DRC4: variants seen among roughly 807,000 people sequenced by gnomAD.
DRC4 encodes the protein dynein regulatory complex subunit 4.
the DRC4 span, among the ~76,000 whole-genome samples, chr16:90,035,067 C>G: frequency 6.6e-6 from 1 of 152,062 alleles, no homozygotes; most frequent in Non-Finnish European, 1.5e-5. Flanking sequence ...CCATGCCCGG[C>G]TAATTTTGTA....
the DRC4 span, among the ~76,000 whole-genome samples, chr16:90,023,368 A>G: frequency 6.6e-6 from 1 of 152,058 alleles, no homozygotes; most frequent in African/African-American, 2.4e-5. Context: ...CATCAGCTCC[A>G]TGTCTGTCTT....
the DRC4 span, among the ~76,000 whole-genome samples, chr16:90,023,261 C>T: frequency 6.6e-6 from 1 of 152,212 alleles, no homozygotes; most frequent in African/African-American, 2.4e-5. Context: ...TTGGAGTGCC[C>T]AGGGCACAAC....
chr16:90,022,713 G>A, the DRC4 span: 4 of 1,419,162 alleles, frequency 2.8e-6, no homozygotes, highest in African/African-American at 3.0e-5. Context: ...GGGCCTGTCC[G>A]CTGGCGTCAT....
the DRC4 span, chr16:90,037,221 T>G: frequency 6.2e-7 from 1 of 1,601,926 alleles, no homozygotes; most frequent in Non-Finnish European, 8.5e-7. Context: ...GGCCTGTGCT[T>G]GTGCCTGCAG....
At chr16:90,033,891 C>T in the DRC4 span, among the ~76,000 whole-genome samples, 10 of 151,300 alleles carry the variant, frequency 6.6e-5, no homozygotes, top group East Asian at 2.0e-4. Flanking sequence ...AGCAGTTGAC[C>T]GGCTGGGAGA....
the DRC4 span, chr16:90,037,903 C>A: frequency 6.8e-7 from 1 of 1,467,286 alleles, no homozygotes; most frequent in Non-Finnish European, 9.5e-7. Flanking sequence ...AGCAACGGTT[C>A]ACCAAGTTCA....
At chr16:90,036,499 G>A in the DRC4 span, 1 of 1,613,934 alleles carries the variant, frequency 6.2e-7, no homozygotes, top group African/African-American at 1.3e-5. Context: ...ACACGCTGAT[G>A]CAGCGCCACG....
chr16:90,030,908 G>A, the DRC4 span, among the ~76,000 whole-genome samples: 3 of 152,304 alleles, frequency 2.0e-5, no homozygotes, highest in African/African-American at 4.8e-5. Flanking sequence ...GAGAGCCACC[G>A]CGCCTCGCTT....
At chr16:90,036,005 T>G in the DRC4 span, 89 of 1,027,828 alleles carry the variant, frequency 8.7e-5, no homozygotes, top group Non-Finnish European at 1.1e-4. Flanking sequence ...CCATGGCTCC[T>G]GGTCTGAGAA....
At chr16:90,033,311 G>T in the DRC4 span, among the ~76,000 whole-genome samples, 17 of 152,330 alleles carry the variant, frequency 1.1e-4, no homozygotes, top group African/African-American at 4.1e-4. Flanking sequence ...GTGACAGTTT[G>T]TCACACAAGC....
chr16:90,036,315 A>C, the DRC4 span: 1 of 1,420,788 alleles, frequency 7.0e-7, no homozygotes, highest in Non-Finnish European at 9.7e-7. Context: ...TACAGGCTCC[A>C]TGTTCTGTAG....
chr16:90,020,208 G>A, the DRC4 span: 1 of 482,834 alleles, frequency 2.1e-6, no homozygotes, highest in Non-Finnish European at 3.7e-6. Context: ...CAGGAGCATT[G>A]ACTCATGCCT....
the DRC4 span, chr16:90,022,850 A>T: frequency 2.5e-5 from 24 of 950,452 alleles, no homozygotes; most frequent in Non-Finnish European, 3.2e-5. Context: ...TGGAATTGAG[A>T]GCTCGGTGCT....
At chr16:90,039,254 C>T in the DRC4 span, among the ~76,000 whole-genome samples, 89,928 of 152,052 alleles carry the variant, frequency 0.59, 28,410 homozygotes, top group East Asian at 0.98. Flanking sequence ...TTTTCTGTCA[C>T]ATTTTCTTCC....
At chr16:90,023,435 G>A in the DRC4 span, among the ~76,000 whole-genome samples, 1 of 152,134 alleles carries the variant, frequency 6.6e-6, no homozygotes, top group Admixed American at 6.5e-5. Context: ...CTCAATTTCT[G>A]GGCAGGTGTG....
the DRC4 span, chr16:90,035,550 C>T: frequency 3.8e-6 from 6 of 1,590,578 alleles, no homozygotes; most frequent in South Asian, 1.1e-5. Flanking sequence ...GTGACCAAAA[C>T]CATGAGGAAC....
At chr16:90,026,687 C>G in the DRC4 span, among the ~76,000 whole-genome samples, 1 of 150,948 alleles carries the variant, frequency 6.6e-6, no homozygotes, top group Non-Finnish European at 1.5e-5. Flanking sequence ...GGGTTCCCCC[C>G]TCTCTTAGTT....
chr16:90,041,856 G>C, the DRC4 span, among the ~76,000 whole-genome samples: 3 of 152,170 alleles, frequency 2.0e-5, no homozygotes, highest in African/African-American at 7.2e-5. Flanking sequence ...CAATATGTAG[G>C]TGGTGTTTAG....
At chr16:90,023,714 C>G in the DRC4 span, among the ~76,000 whole-genome samples, 2 of 150,282 alleles carry the variant, frequency 1.3e-5, no homozygotes, top group Non-Finnish European at 3.0e-5. Flanking sequence ...GGCCAGGAGT[C>G]TGGGCGCGGT....
Sources: allele counts gnomAD v4.1 joint callset (sites outside exome capture counted in the v4.1 genomes callset), GRCh38; gene constraint gnomAD v4.1.1; transcripts MANE v1.5; gene names NCBI Gene and HGNC (gene_info 2026-07-23, HGNC 2026-07-21).